Variants in SLC25A31 observed in about 807,000 individuals in gnomAD.
SLC25A31 encodes the protein ADP/ATP translocase 4.
SLC25A31 carries 40 observed loss-of-function variants against 36.2 expected under a neutral mutation model. That is an observed-to-expected ratio of 1.10 (90% CI 0.86 to 1.44). The LOEUF is 1.44. Ranked by LOEUF, SLC25A31 falls within the 40% of genes most tolerant of loss-of-function variation. SLC25A31 has a pLI of 0.00. For missense variants in SLC25A31, 350 were observed against 397.1 expected, an observed-to-expected ratio of 0.88 and a Z score of 1.01; for synonymous variants, 143 against 149.7, an observed-to-expected ratio of 0.96 and a Z score of 0.32.
intron 2 of SLC25A31, among the ~76,000 whole-genome samples, chr4:127,757,771 T>C (rs1487236715): frequency 6.6e-6 from 1 of 152,212 alleles, no homozygotes; most frequent in Non-Finnish European, 1.5e-5. Context: ...TCCCTTTTTT[T>C]ACACATGACT....
chr4:127,736,163 A>G (rs1222199554), intron 1 of SLC25A31, among the ~76,000 whole-genome samples: 2 of 152,084 alleles, frequency 1.3e-5, no homozygotes, highest in Non-Finnish European at 2.9e-5. Context: ...TGCTGGGATT[A>G]CAGGCGTGAA....
At chr4:127,769,027 T>G (rs1732301335) in intron 5 of SLC25A31, 150 bp downstream of exon 5, 3 of 694,422 alleles carry the variant, frequency 4.3e-6, no homozygotes, top group Non-Finnish European at 6.4e-6. Flanking sequence ...CTGTCTTATA[T>G]TCTTTCCTAT....
intron 1 of SLC25A31, 141 bp downstream of exon 1, chr4:127,730,918 TC>T: frequency 2.3e-6 from 2 of 853,204 alleles, no homozygotes; most frequent in Non-Finnish European, 3.5e-6. Context: ...TTCTTACCCT[TC>T]CAGAATTTAG....
At chr4:127,770,121 A>T (rs1732324634) in intron 5 of SLC25A31, among the ~76,000 whole-genome samples, 1 of 152,178 alleles carries the variant, frequency 6.6e-6, no homozygotes, top group Admixed American at 6.5e-5. Context: ...CCGTTACTTC[A>T]CTTAGGGATA....
At chr4:127,745,768 A>G (rs1189428094) in intron 2 of SLC25A31, among the ~76,000 whole-genome samples, 1 of 152,136 alleles carries the variant, frequency 6.6e-6, no homozygotes, top group Non-Finnish European at 1.5e-5. Context: ...TTAGAATTGG[A>G]AGGTTTAGAT....
chr4:127,752,752 G>A (rs1453006571), intron 2 of SLC25A31, among the ~76,000 whole-genome samples: 1 of 152,170 alleles, frequency 6.6e-6, no homozygotes, highest in Non-Finnish European at 1.5e-5. Flanking sequence ...CTACATCGGA[G>A]CACCTAAATC....
chr4:127,745,828 G>A (rs1437330860), intron 2 of SLC25A31, among the ~76,000 whole-genome samples: 1 of 151,962 alleles, frequency 6.6e-6, no homozygotes, highest in African/African-American at 2.4e-5. Flanking sequence ...TTTTAGGTTT[G>A]GGGGTACATG....
chr4:127,750,746 C>T (rs1375879885), intron 2 of SLC25A31, among the ~76,000 whole-genome samples: 1 of 150,598 alleles, frequency 6.6e-6, no homozygotes, highest in African/African-American at 2.4e-5. Context: ...AAGTTAAAAA[C>T]CTCTAGTAAA....
intron 1 of SLC25A31, among the ~76,000 whole-genome samples, chr4:127,739,246 C>T (rs1041924747): frequency 2.0e-5 from 3 of 152,052 alleles, no homozygotes; most frequent in African/African-American, 7.2e-5. Flanking sequence ...CTTTCATTTC[C>T]ATGTGTAGAG....
intron 1 of SLC25A31, among the ~76,000 whole-genome samples, chr4:127,737,633 C>T (rs574589086): frequency 6.6e-6 from 1 of 152,176 alleles, no homozygotes; most frequent in African/African-American, 2.4e-5. Context: ...GACTTAACTG[C>T]AGCCTGGAGT....
chr4:127,747,503 T>C (rs1444796932), intron 2 of SLC25A31, among the ~76,000 whole-genome samples: 2 of 152,222 alleles, frequency 1.3e-5, no homozygotes, highest in African/African-American at 4.8e-5. Flanking sequence ...GATCTTTCAC[T>C]TCCCTGATTA....
chr4:127,767,110 A>C lies in SLC25A31; in HGVS notation c.523A>C (p.Lys175Gln), dbSNP rs531149963. ...CAAGGGTTTAGGTGACTGTATTATG[A>C]AAATAGCAAAATCAGATGGAATTGC... ...QFKGLGDCIM[K>Q]IAKSDGIAGL... The change falls in exon 4 of 6, where the codon AAA becomes CAA. Residue 175 changes from lysine (K) to glutamine (Q), a missense_variant. By Grantham distance (53) the Lys-to-Gln change is moderately conservative. Coordinates refer to ENST00000281154, the MANE Select transcript of SLC25A31 (RefSeq NM_031291.4). 2.2e-5 allele frequency: 35 copies of C among 1,613,874 alleles called. No homozygotes were observed. Among genetic ancestry groups the C allele is most frequent in the East Asian group, 1.6e-4 (7 of 44,816 alleles).
At chr4:127,752,486 G>T (rs981978250) in intron 2 of SLC25A31, among the ~76,000 whole-genome samples, 4 of 151,894 alleles carry the variant, frequency 2.6e-5, no homozygotes, top group African/African-American at 9.7e-5. Context: ...GTTAATGGGT[G>T]CAGGACACCA....
chr4:127,748,507 A>G (rs1246758803), intron 2 of SLC25A31, among the ~76,000 whole-genome samples: 2 of 152,178 alleles, frequency 1.3e-5, no homozygotes, highest in African/African-American at 4.8e-5. Context: ...GGAGGAAACC[A>G]CACCCATCAG....
intron 4 of SLC25A31, among the ~76,000 whole-genome samples, chr4:127,768,155 A>G: frequency 6.6e-6 from 1 of 152,062 alleles, no homozygotes; most frequent in East Asian, 1.9e-4. Flanking sequence ...AGTATAATAA[A>G]TAATTATACT....
chr4:127,736,896 G>C (rs996488450), intron 1 of SLC25A31, among the ~76,000 whole-genome samples: 1 of 152,200 alleles, frequency 6.6e-6, no homozygotes, highest in East Asian at 1.9e-4. Context: ...ATTATGCATA[G>C]AGTAGATTTT....
chr4:127,735,951 G>A (rs371279603), intron 1 of SLC25A31, among the ~76,000 whole-genome samples: 47 of 143,558 alleles, frequency 3.3e-4, no homozygotes, highest in African/African-American at 1.1e-3. Flanking sequence ...GTGCAGTGGC[G>A]CGATCTCGGC....
intron 2 of SLC25A31, among the ~76,000 whole-genome samples, 196 bp downstream of exon 2, chr4:127,744,995 C>T (rs189680622): frequency 8.5e-4 from 129 of 152,158 alleles, no homozygotes; most frequent in African/African-American, 3.0e-3. Context: ...TTTATTGTTA[C>T]AAAAATCATA....
chr4:127,758,352 A>G (rs948910803), intron 2 of SLC25A31, among the ~76,000 whole-genome samples: 1 of 152,078 alleles, frequency 6.6e-6, no homozygotes, highest in African/African-American at 2.4e-5. Context: ...TTTCTGGTCA[A>G]TTTATTTAAG....
Sources: allele counts gnomAD v4.1 joint callset (sites outside exome capture counted in the v4.1 genomes callset), GRCh38; gene constraint gnomAD v4.1.1; transcripts MANE v1.5; gene names NCBI Gene and HGNC (gene_info 2026-07-23, HGNC 2026-07-21).